The following CRACDL variants were observed in gnomAD, a reference collection of about 807,000 sequenced individuals.
The protein encoded by CRACDL is CRACD-like protein.
A neutral mutation model predicts 70.6 loss-of-function variants in CRACDL; 26 were observed. The observed-to-expected ratio is 0.37, with a 90% CI of 0.27 to 0.51. The LOEUF is 0.51. Ranked by LOEUF, CRACDL falls within the 20% of genes least tolerant of loss-of-function variation. The probability of loss-of-function intolerance (pLI) is 0.94; values close to 1 mark genes in which losing one functional copy is unlikely to be tolerated. For synonymous variants in CRACDL, 618 were observed against 615.2 expected, an observed-to-expected ratio of 1.00 and a Z score of -0.07; for missense variants, 1,283 against 1,376.9, an observed-to-expected ratio of 0.93 and a Z score of 1.08.
At position 98,814,905 on chromosome 2, in the gene CRACDL, A is replaced by G. The variant is rs779421307; in HGVS notation, c.2416+6952T>C. 1.1e-4 allele frequency among the ~76,000 whole-genome samples: 17 copies of G among 152,238 alleles called. No individual in the cohort carries two copies. The Middle Eastern group carries it at 0.01, about 91-fold the overall frequency. On this transcript the variant is annotated intron_variant, in intron 7 of 9. Transcript: ENST00000397899. Reference sequence around the variant, plus strand: ...TACTCTTATGCATTCTTGATTCACCAATATTACTGAAATTATCATTATATA... The same window carrying G: ...TACTCTTATGCATTCTTGATTCACCGATATTACTGAAATTATCATTATATA...
chr2:98,920,380 A>G (rs1409805868), intron 1 of CRACDL, among the ~76,000 whole-genome samples: 1 of 152,098 alleles, frequency 6.6e-6, no homozygotes, highest in Admixed American at 6.5e-5. Context: ...CATACTTCGC[A>G]TGTGTAGGCA....
chr2:98,875,055 G>C (rs978457993), intron 1 of CRACDL, among the ~76,000 whole-genome samples: 3 of 152,214 alleles, frequency 2.0e-5, no homozygotes, highest in Non-Finnish European at 4.4e-5. Context: ...AACAAACACA[G>C]TCTGCATAAT....
At chr2:98,893,225 C>T (rs1708024479) in intron 1 of CRACDL, among the ~76,000 whole-genome samples, 1 of 152,090 alleles carries the variant, frequency 6.6e-6, no homozygotes, top group African/African-American at 2.4e-5. Context: ...AGTCTGCCTT[C>T]ACCACATCAT....
intron 7 of CRACDL, among the ~76,000 whole-genome samples, chr2:98,815,490 T>G (rs948318316): frequency 6.6e-6 from 1 of 152,218 alleles, no homozygotes; most frequent in Admixed American, 6.5e-5. Flanking sequence ...AGCACCTTCT[T>G]GTGACTGGGA....
intron 7 of CRACDL, among the ~76,000 whole-genome samples, chr2:98,818,839 T>C (rs904501226): frequency 1.3e-5 from 2 of 152,188 alleles, no homozygotes; most frequent in Admixed American, 6.5e-5. Flanking sequence ...AAGGTCCAGG[T>C]AGGATCAGGC....
chr2:98,796,149 C>T lies in CRACDL; in HGVS notation c.2720G>A (p.Arg907Lys), dbSNP rs772106215. 2.5e-6 allele frequency: 4 copies of T among 1,614,110 alleles called. No homozygotes were observed. The African/African-American group carries it at 5.3e-5, about 22-fold the overall frequency. Residue 907 changes from arginine (R) to lysine (K), a missense_variant, in exon 9 of 10, where the codon AGA (arginine) becomes AAA (lysine). By Grantham distance (26) the Arg-to-Lys change is conservative. Transcript: ENST00000397899. ...GTTCTGATGGGACAATGAGATTCCT[C>T]TTTGCAGCCCCTCCTTGAAGTTGAG... ...AKLNFKEGLQ[R>K]GISLSHQNLA... is the part of the protein sequence containing the mutation.
Position 98,936,185 on chromosome 2 carries a change from G to A in CRACDL, c.-258C>T, listed in dbSNP as rs1709202961. On this transcript the variant is annotated 5_prime_UTR_variant, in exon 1 of 10. Transcript: ENST00000397899. ...GCGCCCGGCGCGCTCCCAGCTCCCA[G>A]CTCCCAGCTGCAGGCGCGCCGGCTT... The A allele has an allele frequency of 6.6e-6, 1 of 150,862 alleles. No individual in the cohort carries two copies. The highest frequency in any genetic ancestry group is 1.9e-4 in the East Asian group (1 of 5,152). 9.3% of individuals were successfully genotyped at this position (150,862 alleles called of 1,614,324 possible).
chr2:98,817,737 C>G (rs1457914767), intron 7 of CRACDL, among the ~76,000 whole-genome samples: 1 of 152,188 alleles, frequency 6.6e-6, no homozygotes, highest in East Asian at 1.9e-4. Flanking sequence ...TGAGTGAGTA[C>G]TGGAGTCTAG....
intron 1 of CRACDL, among the ~76,000 whole-genome samples, chr2:98,889,279 A>AAGAG (rs1258593599): frequency 6.8e-4 from 85 of 124,814 alleles, no homozygotes; most frequent in South Asian, 1.5e-3. Context: ...GAAACAGAAA[A>AAGAG]AGAGAGAGAA....
intron 1 of CRACDL, among the ~76,000 whole-genome samples, chr2:98,868,545 C>T (rs1349398809): frequency 6.6e-6 from 1 of 152,234 alleles, no homozygotes. Context: ...TCACCTACAG[C>T]AGGACAAGAT....
intron 1 of CRACDL, among the ~76,000 whole-genome samples, chr2:98,913,472 G>C (rs1263589968): frequency 6.6e-6 from 1 of 152,188 alleles, no homozygotes; most frequent in Admixed American, 6.5e-5. Context: ...GGGAGTACAA[G>C]ACTGGAGCCT....
intron 1 of CRACDL, among the ~76,000 whole-genome samples, chr2:98,867,505 A>G (rs1707193790): frequency 6.6e-6 from 1 of 152,194 alleles, no homozygotes; most frequent in Admixed American, 6.5e-5. Flanking sequence ...GAGATTTGAA[A>G]AACATTAGTT....
Position 98,823,359 on chromosome 2 carries a change from G to A in CRACDL, c.914C>T (p.Ala305Val). 2 of 1,524,070 alleles carry A rather than the reference G, an allele frequency of 1.3e-6. No homozygotes were observed. Among genetic ancestry groups the A allele is most frequent in the Non-Finnish European group, 1.7e-6 (2 of 1,143,002 alleles). 94.4% of individuals were successfully genotyped at this position (1,524,070 alleles called of 1,614,324 possible). The change falls in exon 7 of 10, where the codon GCC (alanine) becomes GTC (valine). Residue 305 changes from alanine to valine, a missense_variant. Physicochemically the swap from Ala to Val is moderately conservative, Grantham distance 64. Coordinates refer to ENST00000397899, the MANE Select transcript of CRACDL (RefSeq NM_207362.3). This position sits in a 1 kb window ranked among gnomAD's most constrained non-coding sequence, Gnocchi z 4.0. ...CTGCAGGCGGGCGCGTCTGGCACGG[G>A]CCCCTCCGGGTGGCGGCAAGGGCGC... The part of the protein sequence containing the change: ...PPAPLPPPGG[A>V]RARRARLQHS...
At chr2:98,885,404 A>G (rs987281555) in intron 1 of CRACDL, among the ~76,000 whole-genome samples, 7 of 152,156 alleles carry the variant, frequency 4.6e-5, no homozygotes, top group Admixed American at 2.6e-4. Context: ...CAGTTTTGTT[A>G]TGGTGGTAAA....
At chr2:98,794,713 GA>G in intron 9 of CRACDL, 42 bp from the exon 10 acceptor site, 1 of 1,572,450 alleles carries the variant, frequency 6.4e-7, no homozygotes, top group Non-Finnish European at 8.7e-7. Flanking sequence ...CATGAGCAGT[GA>G]CTTCGAATTT....
intron 1 of CRACDL, among the ~76,000 whole-genome samples, chr2:98,902,573 C>T (rs1005257605): frequency 6.6e-6 from 1 of 152,126 alleles, no homozygotes; most frequent in African/African-American, 2.4e-5. Context: ...ATTCATAAAC[C>T]AGGCTTCTGG....
rs796719254 is a variant in CRACDL, at chr2:98,933,244, C to T, written c.-11+2694G>A. On this transcript the variant is annotated intron_variant, in intron 1 of 9. Coordinates refer to ENST00000397899, the MANE Select transcript of CRACDL (RefSeq NM_207362.3). ...AGGGGAAAGGGACTCACTGGGGCAC[C>T]GCAAGAGGACCAGATGACCAGTCAG... is the stretch of plus-strand genomic sequence containing the variant. 1.1e-4 allele frequency among the ~76,000 whole-genome samples: 16 copies of T among 152,208 alleles called. 1 individual carries two copies. Among genetic ancestry groups the T allele is most frequent in the Admixed American group, 3.3e-4 (5 of 15,296 alleles).
At chr2:98,866,347 A>G (rs937935025) in intron 1 of CRACDL, among the ~76,000 whole-genome samples, 2 of 152,128 alleles carry the variant, frequency 1.3e-5, no homozygotes, top group Non-Finnish European at 2.9e-5. Flanking sequence ...GAGAGATAAC[A>G]TGTCACCAGC....
intron 1 of CRACDL, among the ~76,000 whole-genome samples, chr2:98,862,034 T>A (rs1056600160): frequency 2.6e-5 from 4 of 152,142 alleles, no homozygotes; most frequent in African/African-American, 7.2e-5. Flanking sequence ...CCCAGGTGAC[T>A]CCCTGCAGAT....
Sources: gnomAD v4.1 joint callset for allele counts (sites outside exome capture counted in the v4.1 genomes callset) on GRCh38, gnomAD v4.1.1 for gene constraint, Gnocchi (gnomAD v3.1) non-coding constraint, MANE v1.5 for transcripts, NCBI Gene and HGNC (gene_info 2026-07-23, HGNC 2026-07-21) for gene names.